The following EPHA6 variants were observed in gnomAD, a reference collection of about 807,000 sequenced individuals.
EPHA6 encodes the protein EPH receptor A6.
EPHA6 carries 50 observed loss-of-function variants against 112.0 expected under a neutral mutation model. The observed-to-expected ratio is 0.45, with a 90% CI of 0.36 to 0.56. The LOEUF (loss-of-function observed/expected upper bound fraction) is 0.56. Ranked by LOEUF, EPHA6 falls within the 20% of genes least tolerant of loss-of-function variation. The probability of loss-of-function intolerance (pLI) is 0.00; values close to 1 mark genes in which losing one functional copy is unlikely to be tolerated. For missense variants in EPHA6, 1,280 were observed against 1,417.4 expected (o/e 0.90, Z 1.56); for synonymous variants, 529 against 490.7 (o/e 1.08, Z -1.03).
intron 5 of EPHA6, among the ~76,000 whole-genome samples, chr3:97,381,253 T>C (rs2085711492): frequency 1.3e-5 from 2 of 152,086 alleles, no homozygotes; most frequent in Non-Finnish European, 2.9e-5. Context: ...CTGAAAATAT[T>C]TATTAGCATA....
At chr3:96,906,939 C>G (rs2038965518) in intron 2 of EPHA6, among the ~76,000 whole-genome samples, 1 of 151,674 alleles carries the variant, frequency 6.6e-6, no homozygotes, top group South Asian at 2.1e-4. Flanking sequence ...TAAATGATCT[C>G]TGGAATTTCG....
At chr3:96,855,451 A>G (rs2035636262) in intron 1 of EPHA6, among the ~76,000 whole-genome samples, 1 of 152,084 alleles carries the variant, frequency 6.6e-6, no homozygotes, top group African/African-American at 2.4e-5. Flanking sequence ...TTGGTTCACA[A>G]TTTGTGTACT....
intron 2 of EPHA6, among the ~76,000 whole-genome samples, chr3:96,953,264 T>C (rs896913704): frequency 6.6e-6 from 1 of 152,194 alleles, no homozygotes; most frequent in African/African-American, 2.4e-5. Flanking sequence ...TTTCTAATTA[T>C]GTGATCACTG....
intron 2 of EPHA6, among the ~76,000 whole-genome samples, chr3:96,868,673 G>A (rs533822018): frequency 1.3e-5 from 2 of 151,998 alleles, no homozygotes; most frequent in South Asian, 4.1e-4. Flanking sequence ...GAAGAGACAT[G>A]TAGACAATAT....
intron 2 of EPHA6, among the ~76,000 whole-genome samples, chr3:96,885,381 T>A (rs989428629): frequency 5.9e-5 from 9 of 152,212 alleles, no homozygotes; most frequent in Non-Finnish European, 1.2e-4. Context: ...TGGTATTTTT[T>A]AAATTACCAT....
intron 16 of EPHA6, among the ~76,000 whole-genome samples, chr3:97,746,176 T>G (rs1022764352): frequency 1.4e-4 from 22 of 151,876 alleles, no homozygotes; most frequent in Non-Finnish European, 2.9e-5. Context: ...TGAACTAACT[T>G]CAATATTCCA....
chr3:97,538,028 A>T (rs1340231215), intron 11 of EPHA6, among the ~76,000 whole-genome samples: 1 of 152,224 alleles, frequency 6.6e-6, no homozygotes, highest in Non-Finnish European at 1.5e-5. Context: ...GTGATAGAAG[A>T]GTATTCTAGA....
At chr3:97,488,476 C>G (rs1030689303) in intron 10 of EPHA6, among the ~76,000 whole-genome samples, 3 of 152,164 alleles carry the variant, frequency 2.0e-5, no homozygotes, top group Admixed American at 2.0e-4. Context: ...ACTTCATGTG[C>G]CTCTCCTAAT....
intron 2 of EPHA6, among the ~76,000 whole-genome samples, chr3:96,931,396 C>T (rs1025483318): frequency 2.0e-5 from 3 of 152,018 alleles, no homozygotes; most frequent in African/African-American, 7.3e-5. Context: ...CTGAGTCCAC[C>T]TAACCACAGA....
chr3:97,509,475 G>T (rs185155790), intron 10 of EPHA6, among the ~76,000 whole-genome samples: 2 of 152,012 alleles, frequency 1.3e-5, no homozygotes, highest in Non-Finnish European at 2.9e-5. Flanking sequence ...GAAATTCTTC[G>T]TTGAAAATTC....
intron 10 of EPHA6, among the ~76,000 whole-genome samples, chr3:97,506,846 T>C (rs2092263150): frequency 6.6e-6 from 1 of 152,238 alleles, no homozygotes; most frequent in Admixed American, 6.5e-5. Flanking sequence ...CTTATTTCCT[T>C]GATCAGTGGT....
chr3:97,546,769 T>C (rs1385543477), intron 11 of EPHA6, among the ~76,000 whole-genome samples: 1 of 152,188 alleles, frequency 6.6e-6, no homozygotes, highest in Non-Finnish European at 1.5e-5. Context: ...CATTTCTTTT[T>C]ATTCTTTTTT....
intron 3 of EPHA6, among the ~76,000 whole-genome samples, chr3:97,040,574 T>C (rs559419177): frequency 6.6e-6 from 1 of 152,160 alleles, no homozygotes; most frequent in Admixed American, 6.6e-5. Flanking sequence ...CCTTGGAGTG[T>C]TTTCTATATT....
chr3:96,968,417 T>C (rs555757573), intron 2 of EPHA6, among the ~76,000 whole-genome samples: 2 of 146,022 alleles, frequency 1.4e-5, no homozygotes, highest in Admixed American at 7.0e-5. Flanking sequence ...CACACACACA[T>C]TCTATGTATT....
intron 3 of EPHA6, among the ~76,000 whole-genome samples, chr3:97,195,759 A>T (rs1324730570): frequency 6.6e-6 from 1 of 152,080 alleles, no homozygotes; most frequent in Non-Finnish European, 1.5e-5. Flanking sequence ...CACTAGATAT[A>T]CTATTTTAGG....
chr3:96,975,917 T>G (rs2042504077), intron 2 of EPHA6, among the ~76,000 whole-genome samples: 1 of 152,170 alleles, frequency 6.6e-6, no homozygotes, highest in Non-Finnish European at 1.5e-5. Context: ...TATTAGTATT[T>G]TATTGTAAGT....
chr3:97,182,283 C>T (rs2077009825), intron 3 of EPHA6, among the ~76,000 whole-genome samples: 4 of 150,294 alleles, frequency 2.7e-5, no homozygotes, highest in Non-Finnish European at 1.5e-5. Flanking sequence ...TTCCTGCTGA[C>T]ATTCCATCAG....
chr3:97,208,761 AAT>A (rs200272800), intron 3 of EPHA6, among the ~76,000 whole-genome samples: 97 of 151,890 alleles, frequency 6.4e-4, no homozygotes, highest in African/African-American at 2.3e-3. Context: ...AAAAAAAAAA[AAT>A]GGAAGGCTAC....
At chr3:97,024,121 C>T (rs2044555746) in intron 3 of EPHA6, among the ~76,000 whole-genome samples, 1 of 152,028 alleles carries the variant, frequency 6.6e-6, no homozygotes, top group South Asian at 2.1e-4. Context: ...CCTATGTTCC[C>T]ATCTGTTATT....
Sources: gnomAD v4.1 joint callset for allele counts (sites outside exome capture counted in the v4.1 genomes callset) on GRCh38, gnomAD v4.1.1 for gene constraint, MANE v1.5 for transcripts, NCBI Gene and HGNC (gene_info 2026-07-23, HGNC 2026-07-21) for gene names.